Variants in LRIG2 observed in about 807,000 individuals in gnomAD.
The protein encoded by LRIG2 is leucine rich repeats and immunoglobulin like domains 2.
In LRIG2, 93 loss-of-function variants were observed where a neutral mutation model predicts 107.8. The ratio of observed to expected loss-of-function variants is 0.86; its 90% CI spans 0.73 to 1.03. The LOEUF (loss-of-function observed/expected upper bound fraction) is 1.03, where lower values mean the gene tolerates loss of function less well. Ranked by LOEUF, LRIG2 falls within the 50% of genes least tolerant of loss-of-function variation. LRIG2 has a pLI of 0.00. For missense variants in LRIG2, 1,226 were observed against 1,296.0 expected (o/e 0.95, Z 0.83); for synonymous variants, 471 against 470.6 (o/e 1.00, Z -0.01).
chr1:113,116,403 C>A lies in LRIG2; in HGVS notation c.2647C>A (p.Pro883Thr). The A allele has an allele frequency of 6.2e-7, 1 of 1,612,898 alleles. No homozygotes were observed. Among genetic ancestry groups the A allele is most frequent in the South Asian group, 1.1e-5 (1 of 90,822 alleles). Residue 883 changes from proline (P) to threonine (T), a missense_variant, in exon 16 of 18, where the codon CCT becomes ACT. This residue lies in a region of LRIG2 where 642 missense variants were observed against 712.2 expected (regional missense o/e 0.90). Transcript: ENST00000361127. The part of the protein sequence containing the change: ...EAGSHQQLMP[P>T]ANGYIHKGTD... ...AGGCAGTCATCAGCAACTTATGCCT[C>A]CTGCCAATGGATATATACACAAAGG...
At chr1:113,108,882 A>T (rs552296256) in intron 12 of LRIG2, among the ~76,000 whole-genome samples, 2 of 152,216 alleles carry the variant, frequency 1.3e-5, no homozygotes. Flanking sequence ...TCTCAAAAAA[A>T]CAATTTTTTT....
intron 12 of LRIG2, 107 bp downstream of exon 12, chr1:113,107,864 C>G (rs1056674863): frequency 2.1e-6 from 2 of 961,494 alleles, no homozygotes; most frequent in Non-Finnish European, 3.0e-6. Flanking sequence ...TGTAATCATA[C>G]AGTTTTAATT....
rs543549291 is a variant in LRIG2 at position 113,125,410 on chromosome 1, A to T, written c.*1309A>T. 1 of 152,212 alleles carries T rather than the reference A, an allele frequency of 6.6e-6. No homozygotes were observed. The highest frequency in any genetic ancestry group is 6.5e-5 in the Admixed American group (1 of 15,288). The allele number at this position is 152,212 out of a possible 1,614,324, so 9.4% of individuals were successfully genotyped here. A position where few individuals can be genotyped will look rare whatever the true frequency, so the allele number is the denominator to read the frequency against. Reference sequence around the variant, plus strand: ...TGGCAGTCCTGTCACAGCTGTATGCACCTAGAGGAAAACTTGTTTGGAAAT... The same window carrying T: ...TGGCAGTCCTGTCACAGCTGTATGCTCCTAGAGGAAAACTTGTTTGGAAAT... On this transcript the variant is annotated 3_prime_UTR_variant, in exon 18 of 18. Transcript: ENST00000361127.
At chr1:113,122,034 C>G (rs1375458322) in intron 17 of LRIG2, among the ~76,000 whole-genome samples, 1 of 151,264 alleles carries the variant, frequency 6.6e-6, no homozygotes, top group East Asian at 1.9e-4. Context: ...ATCATTTACT[C>G]CTGCCAGAAC....
intron 2 of LRIG2, among the ~76,000 whole-genome samples, chr1:113,092,175 TGGG>T (rs2101032881): frequency 6.6e-6 from 1 of 152,292 alleles, no homozygotes; most frequent in Admixed American, 6.5e-5. Context: ...AATGCTTCAG[TGGG>T]AAGTGCATGA....
intron 2 of LRIG2, among the ~76,000 whole-genome samples, 169 bp downstream of exon 2, chr1:113,091,552 C>T (rs1478672584): frequency 2.0e-5 from 3 of 152,162 alleles, no homozygotes; most frequent in Admixed American, 6.5e-5. Flanking sequence ...TTGTTATTAT[C>T]AGACTGTCTT....
intron 8 of LRIG2, among the ~76,000 whole-genome samples, chr1:113,097,191 A>G (rs1654105598): frequency 6.6e-6 from 1 of 150,982 alleles, no homozygotes; most frequent in South Asian, 2.1e-4. Context: ...ATATATAAAT[A>G]TATCTAATTT....
Position 113,110,382 on chromosome 1 carries a change from C to A in LRIG2, c.1618C>A (p.Leu540Met). 1 of 1,614,174 alleles carries A rather than the reference C, an allele frequency of 6.2e-7. No homozygotes were observed. ...TGTGTGGCGCAAAGACAGTGAAATC[C>A]TGTATGACGTGGATACTGAGAATTT... is the stretch of plus-strand genomic sequence containing the variant. ...STVWRKDSEI[L>M]YDVDTENFVR... Residue 540 changes from leucine to methionine, a missense_variant, in exon 13 of 18, where the codon CTG (leucine) becomes ATG (methionine). Leu to Met is a conservative substitution (Grantham distance 15). Coordinates refer to ENST00000361127, the MANE Select transcript of LRIG2 (RefSeq NM_014813.3).
intron 1 of LRIG2, among the ~76,000 whole-genome samples, chr1:113,073,955 C>G (rs6695183): frequency 0.061 from 8,173 of 133,616 alleles, 514 homozygotes; most frequent in African/African-American, 0.18. Flanking sequence ...GTCCTGGGCA[C>G]CAGCATTGAC....
chr1:113,094,985 T>TATA (rs879556717), intron 6 of LRIG2, among the ~76,000 whole-genome samples: 3 of 22,038 alleles, frequency 1.4e-4, no homozygotes, highest in East Asian at 1.0e-3. Flanking sequence ...TATATATATA[T>TATA]TTTTTTTGAG....
chr1:113,095,469 CACA>C (rs1345590095), intron 6 of LRIG2, among the ~76,000 whole-genome samples: 2 of 151,806 alleles, frequency 1.3e-5, no homozygotes, highest in Non-Finnish European at 2.9e-5. Context: ...AGTGCAGTGG[CACA>C]GTCTCGGCTC....
Position 113,094,353 on chromosome 1 carries a change from A to G in LRIG2, c.530A>G (p.Asn177Ser). ...GTTTATTTTAGGAATTTAAGTAATAACAGAATAACCACCTTGGAGGCTGGT... is the reference window on the plus strand; with the variant it reads ...GTTTATTTTAGGAATTTAAGTAATAGCAGAATAACCACCTTGGAGGCTGGT... ...MQLKYLNLSNNRITTLEAGCF... is the reference protein window; with the variant it reads ...MQLKYLNLSNSRITTLEAGCF... Residue 177 changes from asparagine to serine, a missense_variant, in exon 5 of 18, where the codon AAC (asparagine) becomes AGC (serine). Asn to Ser is a conservative substitution (Grantham distance 46). Around this residue, in one of 3 missense-constraint regions of LRIG2, gnomAD observed 570 missense variants for 550.2 expected, o/e 1.04. Transcript: ENST00000361127. 1 of 1,601,716 alleles carries G rather than the reference A, an allele frequency of 6.2e-7. No individual in the cohort carries two copies. Among genetic ancestry groups the G allele is most frequent in the Non-Finnish European group, 8.5e-7 (1 of 1,176,892 alleles).
chr1:113,112,396 TAG>T (rs1186924747), intron 13 of LRIG2, 81 bp from the exon 14 acceptor site: 3 of 1,257,420 alleles, frequency 2.4e-6, no homozygotes, highest in Non-Finnish European at 3.3e-6. Flanking sequence ...TCTTGCCTAC[TAG>T]ATTCTTTCAT....
intron 1 of LRIG2, among the ~76,000 whole-genome samples, chr1:113,086,341 C>G (rs1022329375): frequency 2.6e-5 from 4 of 152,216 alleles, no homozygotes; most frequent in African/African-American, 9.6e-5. Context: ...GCTAGGTACA[C>G]TCTTAACAAG....
At chr1:113,075,619 T>G (rs1487800158) in intron 1 of LRIG2, among the ~76,000 whole-genome samples, 1 of 152,036 alleles carries the variant, frequency 6.6e-6, no homozygotes, top group African/African-American at 2.4e-5. Flanking sequence ...GCTACCTGAT[T>G]ATAACAATAA....
rs1328268969 is a variant in LRIG2, at chr1:113,128,100, ACT to A, written c.*4001_*4002del. On this transcript the variant is annotated 3_prime_UTR_variant, in exon 18 of 18. Transcript: ENST00000361127. Reference sequence around the variant, plus strand: ...TTAAGTCCTGGTTCAAGGGTTCCAAACTCACATAATTTCTCAACTTTTTGCCA... The same window carrying A: ...TTAAGTCCTGGTTCAAGGGTTCCAAACACATAATTTCTCAACTTTTTGCCA... The A allele has an allele frequency of 2.0e-5, 3 of 152,136 alleles. No individual in the cohort carries two copies. Among genetic ancestry groups the A allele is most frequent in the East Asian group, 3.8e-4 (2 of 5,198 alleles). The allele number at this position is 152,136 out of a possible 1,614,324, so 9.4% of individuals were successfully genotyped here.
Position 113,073,615 on chromosome 1 carries a change from C to G in LRIG2, c.209C>G (p.Ser70Trp). 3.1e-6 allele frequency: 5 copies of G among 1,613,294 alleles called. No individual in the cohort carries two copies. Among genetic ancestry groups the G allele is most frequent in the Non-Finnish European group, 4.2e-6 (5 of 1,179,988 alleles). ...CCCGCACCGAGCTGGAGGGCGCTGTCGGGCTTGCTGCCCCCCGACACCGCT... is the reference window on the plus strand; with the variant it reads ...CCCGCACCGAGCTGGAGGGCGCTGTGGGGCTTGCTGCCCCCCGACACCGCT... Reference protein sequence around the residue: ...KLPAPSWRALSGLLPPDTAIL... With the variant: ...KLPAPSWRALWGLLPPDTAIL... Residue 70 changes from serine to tryptophan, a missense_variant, in exon 1 of 18, where the codon TCG (serine) becomes TGG (tryptophan). By Grantham distance (177) the Ser-to-Trp change is radical. Around this residue, in one of 3 missense-constraint regions of LRIG2, gnomAD observed 570 missense variants for 550.2 expected, o/e 1.04. Coordinates refer to ENST00000361127, the MANE Select transcript of LRIG2 (RefSeq NM_014813.3).
chr1:113,110,518 A>T lies in LRIG2; in HGVS notation c.1754A>T (p.His585Leu). The T allele has an allele frequency of 6.2e-7, 1 of 1,612,464 alleles. No individual in the cohort carries two copies. Among genetic ancestry groups the T allele is most frequent in the Non-Finnish European group, 8.5e-7 (1 of 1,178,576 alleles). The part of the protein sequence containing the change: ...EGKYQCIVTN[H>L]FGSNYSQKAK... ...AAATATCAGTGTATTGTTACTAATCACTTTGGTTCTAATTATTCTCAGAAA... is the reference window on the plus strand; with the variant it reads ...AAATATCAGTGTATTGTTACTAATCTCTTTGGTTCTAATTATTCTCAGAAA... The change falls in exon 13 of 18, where the codon CAC becomes CTC. Residue 585 changes from histidine (H) to leucine (L), a missense_variant. This residue lies in a region of LRIG2 where 642 missense variants were observed against 712.2 expected (regional missense o/e 0.90). Transcript: ENST00000361127.
At chr1:113,113,228 G>GA (rs1309737437) in intron 14 of LRIG2, among the ~76,000 whole-genome samples, 4 of 118,536 alleles carry the variant, frequency 3.4e-5, no homozygotes, top group African/African-American at 5.9e-5. Flanking sequence ...AAAAAAAAAA[G>GA]ATGTGTTTTC....
Sources: allele counts gnomAD v4.1 joint callset (sites outside exome capture counted in the v4.1 genomes callset), GRCh38; gene constraint gnomAD v4.1.1; regional missense constraint gnomAD v4.1.1; transcripts MANE v1.5; gene names NCBI Gene and HGNC (gene_info 2026-07-23, HGNC 2026-07-21).